The following RFC1 variants were observed in gnomAD, a reference collection of about 807,000 sequenced individuals.
The protein encoded by RFC1 is A1 140 kDa subunit.
RFC1 carries 37 observed loss-of-function variants against 137.4 expected under a neutral mutation model. The observed-to-expected ratio is 0.27, with a 90% CI of 0.21 to 0.35. The LOEUF (loss-of-function observed/expected upper bound fraction) is 0.35, where lower values mean the gene tolerates loss of function less well. Among genes scored for constraint, RFC1 ranks in the 10% least tolerant of loss-of-function variants. The probability of loss-of-function intolerance (pLI) is 1.00; values close to 1 mark genes in which losing one functional copy is unlikely to be tolerated. For missense variants in RFC1, 1,205 were observed against 1,358.5 expected (o/e 0.89, Z 1.78); for synonymous variants, 429 against 455.7 (o/e 0.94, Z 0.75).
intron 1 of RFC1, chr4:39,355,781 A>C (rs1371564866): frequency 1.3e-5 from 2 of 152,198 alleles, no homozygotes; most frequent in Admixed American, 6.6e-5. Flanking sequence ...AGGTGAGTGG[A>C]TCACGAGGTC....
At position 39,361,272 on chromosome 4, in the gene RFC1, C is replaced by T. The variant is rs189171087; in HGVS notation, c.3+4967G>A. On this transcript the variant is annotated intron_variant, in intron 1 of 24. Coordinates refer to ENST00000349703, the MANE Select transcript of RFC1 (RefSeq NM_002913.5). ...GGTGTGGTGGCACATGCCTGTAATC[C>T]CAGCTACTTGGGAGGCTGAGGCAGG... Among the ~76,000 whole-genome samples the T allele has an allele frequency of 1.3e-4, 20 of 152,238 alleles. No individual in the cohort carries two copies. In the East Asian group the frequency reaches 3.7e-3, roughly 28 times the overall value.
chr4:39,345,761 G>A (rs1005398042), intron 2 of RFC1, among the ~76,000 whole-genome samples: 3 of 152,006 alleles, frequency 2.0e-5, no homozygotes, highest in Non-Finnish European at 4.4e-5. Context: ...TTTAACCAGG[G>A]GGAATTTTGC....
intron 3 of RFC1, among the ~76,000 whole-genome samples, chr4:39,344,504 G>A (rs1420861795): frequency 2.0e-5 from 3 of 152,322 alleles, no homozygotes; most frequent in Admixed American, 1.3e-4. Flanking sequence ...GCTCATGCCT[G>A]TAATCCCAAG....
Position 39,290,018 on chromosome 4 carries a change from C to T in RFC1, c.3190G>A (p.Ala1064Thr). 6.2e-7 allele frequency: 1 copy of T among 1,613,368 alleles called. No homozygotes were observed. Among genetic ancestry groups the T allele is most frequent in the Non-Finnish European group, 8.5e-7 (1 of 1,179,584 alleles). Residue 1064 changes from alanine to threonine, a missense_variant, in exon 24 of 25, where the codon GCT becomes ACT. By Grantham distance (58) the Ala-to-Thr change is moderately conservative. Around this residue, in one of 3 missense-constraint regions of RFC1, gnomAD observed 237 missense variants for 304.2 expected, o/e 0.78. Coordinates refer to ENST00000349703, the MANE Select transcript of RFC1 (RefSeq NM_002913.5). ...DPKVKAAFTRAYNKEAHLTPY... is the reference protein window; with the variant it reads ...DPKVKAAFTRTYNKEAHLTPY... ...GTAAGGTGGGCTTCCTTATTGTAAG[C>T]TCTTGTGAAGGCTGCTTTCACCTAT...
chr4:39,365,209 A>G (rs915582977), intron 1 of RFC1, among the ~76,000 whole-genome samples: 1 of 151,000 alleles, frequency 6.6e-6, no homozygotes, highest in Non-Finnish European at 1.5e-5. Context: ...ATATTGACCT[A>G]AAGAAGATGC....
intron 24 of RFC1, chr4:39,289,557 T>C: frequency 3.6e-6 from 1 of 278,604 alleles, no homozygotes; most frequent in South Asian, 7.5e-5. Context: ...TACAAACATT[T>C]TTCTTGAAAG....
chr4:39,311,403 G>C lies in RFC1; in HGVS notation c.1488+42C>G, dbSNP rs200619833. 6.5e-6 allele frequency: 10 copies of C among 1,530,030 alleles called. No homozygotes were observed. In the East Asian group the frequency reaches 2.0e-4, roughly 31 times the overall value. 94.8% of individuals were successfully genotyped at this position (1,530,030 alleles called of 1,614,324 possible). On this transcript the variant is annotated intron_variant, in intron 12 of 24. Coordinates refer to ENST00000349703, the MANE Select transcript of RFC1 (RefSeq NM_002913.5). The stretch of plus-strand genomic sequence containing the variant: ...AGACATATGTCTATGAAATTAAAAA[G>C]TTAATATACACCAACTTAAATCACA...
In RFC1 at chr4:39,308,908, A is replaced by C. The variant is rs1194466482; in HGVS notation, c.1613T>G (p.Leu538Trp). The C allele has an allele frequency of 6.2e-7, 1 of 1,614,170 alleles. No individual in the cohort carries two copies. Residue 538 changes from leucine (L) to tryptophan (W), a missense_variant, in exon 13 of 25, where the codon TTG (leucine) becomes TGG (tryptophan). Leu to Trp is a moderately conservative substitution (Grantham distance 61). Coordinates refer to ENST00000349703, the MANE Select transcript of RFC1 (RefSeq NM_002913.5). ...KSRPTSKRDS[L>W]AKTIKKETDV... ...TGTTTCCTTTTTTATTGTCTTTGCC[A>C]AACTGTCCCTTTTGGAAGTCGGCCT...
At chr4:39,318,019 T>G (rs1173501128) in intron 9 of RFC1, 3 of 152,126 alleles carry the variant, frequency 2.0e-5, no homozygotes, top group Non-Finnish European at 4.4e-5. Flanking sequence ...TAGCCAGGCT[T>G]GGTGGCGGGC....
intron 21 of RFC1, among the ~76,000 whole-genome samples, chr4:39,298,557 A>T (rs1738160778): frequency 6.6e-6 from 1 of 152,184 alleles, no homozygotes. Context: ...TACAGTACCC[A>T]ATATAAAACT....
chr4:39,312,915 A>G lies in RFC1; in HGVS notation c.1220T>C (p.Leu407Ser). ...KEIPKGAENC[L>S]EGLIFVITGV... Reference sequence around the variant, plus strand: ...TGTGATTACAAATATAAGGCCTTCCAAGCAATTTTCAGCTCCCTAAAAACC... The same window carrying G: ...TGTGATTACAAATATAAGGCCTTCCGAGCAATTTTCAGCTCCCTAAAAACC... The change falls in exon 11 of 25, where the codon TTG (leucine) becomes TCG (serine). Residue 407 changes from leucine to serine, a missense_variant. By Grantham distance (145) the Leu-to-Ser change is moderately radical. Around this residue, in one of 3 missense-constraint regions of RFC1, gnomAD observed 962 missense variants for 1,035.3 expected, o/e 0.93. Transcript: ENST00000349703. 2 of 1,608,136 alleles carry G rather than the reference A, an allele frequency of 1.2e-6. No individual in the cohort carries two copies. The highest frequency in any genetic ancestry group is 1.7e-6 in the Non-Finnish European group (2 of 1,176,552).
At chr4:39,291,289 A>C (rs1018382698) in intron 23 of RFC1, among the ~76,000 whole-genome samples, 1 of 152,298 alleles carries the variant, frequency 6.6e-6, no homozygotes, top group East Asian at 1.9e-4. Flanking sequence ...AACATATTTT[A>C]TTTTTACAAC....
chr4:39,304,848 T>C lies in RFC1; in HGVS notation c.2076A>G (p.Ser692=), dbSNP rs781635012. 10 of 1,612,110 alleles carry C rather than the reference T, an allele frequency of 6.2e-6. No individual in the cohort carries two copies. In the Admixed American group the frequency reaches 1.0e-4, roughly 16 times the overall value. Residue 692 remains serine (S), a synonymous_variant, in exon 15 of 25, where the codon TCA becomes TCG. Coordinates refer to ENST00000349703, the MANE Select transcript of RFC1 (RefSeq NM_002913.5). Reference sequence around the variant, plus strand: ...AGCCTTTGATGCTGGTATTGTTCAGTGACTCAGCAACAATCGCCTTCAAAC... The same window carrying C: ...AGCCTTTGATGCTGGTATTGTTCAGCGACTCAGCAACAATCGCCTTCAAAC... ...KSSLKAIVAE[S]LNNTSIKGFY...
intron 4 of RFC1, among the ~76,000 whole-genome samples, chr4:39,334,454 AG>A (rs2109708927): frequency 6.6e-6 from 1 of 152,360 alleles, no homozygotes; most frequent in Admixed American, 6.5e-5. Context: ...TGCTTCCAAC[AG>A]ACAGTGACTT....
At chr4:39,312,140 C>T (rs900296688) in intron 11 of RFC1, among the ~76,000 whole-genome samples, 3 of 152,204 alleles carry the variant, frequency 2.0e-5, no homozygotes, top group Middle Eastern at 3.2e-3. Context: ...TGCCACTGTT[C>T]CCTTTTCCTG....
intron 22 of RFC1, among the ~76,000 whole-genome samples, chr4:39,292,927 G>A (rs1006589275): frequency 2.0e-5 from 3 of 152,060 alleles, no homozygotes; most frequent in East Asian, 1.9e-4. Context: ...TTACAGACGT[G>A]AGCCACCGCA....
At chr4:39,341,494 C>T in intron 4 of RFC1, 2 of 404,964 alleles carry the variant, frequency 4.9e-6, no homozygotes, top group Admixed American at 3.0e-5. Flanking sequence ...TACTTTTTGT[C>T]TTTGATATTT....
chr4:39,312,758 A>G lies in RFC1; in HGVS notation c.1377T>C (p.Ser459=). The part of the protein sequence containing the change: ...VMGRDSGQSK[S]DKAAALGTKI... ...AGAACAAAGCAGTACCCACCTTATC[A>G]CTCTTGGACTGTCCACTATCACGAC... The change falls in exon 11 of 25, where the codon AGT becomes AGC. Residue 459 remains serine (S), a synonymous_variant. Coordinates refer to ENST00000349703, the MANE Select transcript of RFC1 (RefSeq NM_002913.5). 4 of 1,610,672 alleles carry G rather than the reference A, an allele frequency of 2.5e-6. No individual in the cohort carries two copies. In the Admixed American group the frequency reaches 5.0e-5, roughly 20 times the overall value.
At chr4:39,292,674 T>A (rs1331243871) in intron 22 of RFC1, among the ~76,000 whole-genome samples, 1 of 151,596 alleles carries the variant, frequency 6.6e-6, no homozygotes, top group Non-Finnish European at 1.5e-5. Flanking sequence ...GAAGCCTCAC[T>A]CTTGTTGCCC....
Sources: allele counts gnomAD v4.1 joint callset (sites outside exome capture counted in the v4.1 genomes callset), GRCh38; gene constraint gnomAD v4.1.1; regional missense constraint gnomAD v4.1.1; transcripts MANE v1.5; gene names NCBI Gene and HGNC (gene_info 2026-07-23, HGNC 2026-07-21).